Variants in ITGA2B observed in about 807,000 individuals in gnomAD.
ITGA2B encodes integrin subunit alpha 2b, also known as integrin alpha-IIb.
ITGA2B carries 91 observed loss-of-function variants against 142.0 expected under a neutral mutation model. The observed-to-expected ratio is 0.64, with a 90% CI of 0.54 to 0.76. ITGA2B has a LOEUF of 0.76. Among genes scored for constraint, ITGA2B ranks in the 30% least tolerant of loss-of-function variants. The pLI, the probability that ITGA2B is intolerant of heterozygous loss-of-function variation, is 0.00. For synonymous variants in ITGA2B, 536 were observed against 567.2 expected (o/e 0.94, Z 0.78); for missense variants, 1,231 against 1,350.8 (o/e 0.91, Z 1.39).
At chr17:44,384,006 G>T in intron 10 of ITGA2B, 60 bp from the exon 11 acceptor site, 1 of 1,613,520 alleles carries the variant, frequency 6.2e-7, no homozygotes, top group Non-Finnish European at 8.5e-7. Flanking sequence ...TTAAGAAATG[G>T]GCCCTCACCT....
At chr17:44,379,296 G>T (rs1371263948) in intron 18 of ITGA2B, among the ~76,000 whole-genome samples, 2 of 149,586 alleles carry the variant, frequency 1.3e-5, no homozygotes, top group African/African-American at 2.5e-5. Context: ...TGTCACCCAG[G>T]CTGGAGTGCT....
In ITGA2B at chr17:44,386,010, G is replaced by A; in HGVS notation, c.310C>T (p.Arg104Cys). 1 of 1,613,916 alleles carries A rather than the reference G, an allele frequency of 6.2e-7. No homozygotes were observed. Among genetic ancestry groups the A allele is most frequent in the Admixed American group, 1.7e-5 (1 of 60,028 alleles). ...CTTGCTCTCCTTGCCTGGGACTCACGGAGGTCAAAGAGCAGCGAGGGGCAC... is the reference window on the plus strand; with the variant it reads ...CTTGCTCTCCTTGCCTGGGACTCACAGAGGTCAAAGAGCAGCGAGGGGCAC... ...GQCPSLLFDL[R>C]DETRNVGSQT... Residue 104 changes from arginine (R) to cysteine (C), a missense_variant and splice_region_variant, in exon 2 of 30, where the codon CGT (arginine) becomes TGT (cysteine). By Grantham distance (180) the Arg-to-Cys change is radical. This residue lies in a region of ITGA2B where 318 missense variants were observed against 312.2 expected (regional missense o/e 1.02). Transcript: ENST00000262407.
At chr17:44,373,975 G>GGTGGTT in intron 29 of ITGA2B, 1 of 237,780 alleles carries the variant, frequency 4.2e-6, no homozygotes. Flanking sequence ...GTGTGATCTC[G>GGTGGTT]GCTCACTGCA....
In ITGA2B at chr17:44,386,122, G is replaced by T. The variant is rs1345944608; in HGVS notation, c.198C>A (p.Ile66=). 3 of 1,599,290 alleles carry T rather than the reference G, an allele frequency of 1.9e-6. No individual in the cohort carries two copies. Among genetic ancestry groups the T allele is most frequent in the South Asian group, 1.1e-5 (1 of 89,678 alleles). The change falls in exon 2 of 30, where the codon ATC becomes ATA. Residue 66 remains isoleucine (I), a synonymous_variant. Transcript: ENST00000262407. ...CCAGGGTCCGCGGGGCGCCCACCAC[G>T]ATGGCCACTCTGCATAGGAAAGCTG... ...FHKDSHGRVA[I]VVGAPRTLGP...
chr17:44,387,393 T>G (rs2048658609), intron 1 of ITGA2B, among the ~76,000 whole-genome samples: 1 of 151,544 alleles, frequency 6.6e-6, no homozygotes, highest in South Asian at 2.1e-4. Flanking sequence ...CATGGTGGCA[T>G]GCACCTGTAA....
chr17:44,375,170 AC>A, intron 26 of ITGA2B, 59 bp from the exon 27 acceptor site: 1 of 1,392,236 alleles, frequency 7.2e-7, no homozygotes. Context: ...ATCATCCCCC[AC>A]CCCCTTACCC....
chr17:44,380,714 G>C, intron 13 of ITGA2B, 69 bp from the exon 14 acceptor site: 1 of 1,608,076 alleles, frequency 6.2e-7, no homozygotes, highest in Non-Finnish European at 8.5e-7. Context: ...TCTTCCCAGG[G>C]GTTCCCCACA....
chr17:44,376,085 C>T lies in ITGA2B; in HGVS notation c.2448G>A (p.Glu816=), dbSNP rs747524385. ...CCAGGGACGCGAGGCTCCCCAATACCTCATAGGTGTGCTCCACTTTGGGTC... is the reference window on the plus strand; with the variant it reads ...CCAGGGACGCGAGGCTCCCCAATACTTCATAGGTGTGCTCCACTTTGGGTC... ...SWGPKVEHTY[E]LHNNGPGTVN... is the part of the protein sequence containing the mutation. The change falls in exon 24 of 30, where the codon GAG becomes GAA. Residue 816 remains glutamate, a splice_region_variant and synonymous_variant. Coordinates refer to ENST00000262407, the MANE Select transcript of ITGA2B (RefSeq NM_000419.5). 1.3e-5 allele frequency: 21 copies of T among 1,614,020 alleles called. No homozygotes were observed. The South Asian group carries it at 2.1e-4, about 16-fold the overall frequency.
At position 44,385,858 on chromosome 17, in the gene ITGA2B, C is replaced by T; in HGVS notation, c.374G>A (p.Gly125Glu). The stretch of plus-strand genomic sequence containing the variant: ...GTCGCTCCAGCTGACGACCGACGCC[C>T]CCAGTCCTTGGCGGGCCTTGAAGGT... Reference protein sequence around the residue: ...LQTFKARQGLGASVVSWSDVI... With the variant: ...LQTFKARQGLEASVVSWSDVI... Residue 125 changes from glycine (G) to glutamate (E), a missense_variant, in exon 3 of 30, where the codon GGG becomes GAG. Physicochemically the swap from Gly to Glu is moderately conservative, Grantham distance 98 (BLOSUM62 -2). Coordinates refer to ENST00000262407, the MANE Select transcript of ITGA2B (RefSeq NM_000419.5). 1 of 1,606,018 alleles carries T rather than the reference C, an allele frequency of 6.2e-7. No homozygotes were observed. Among genetic ancestry groups the T allele is most frequent in the Admixed American group, 1.7e-5 (1 of 58,666 alleles).
rs1320678629 is a variant in ITGA2B at position 44,374,398 on chromosome 17, C to T, written c.3016G>A (p.Gly1006Ser). 3.7e-6 allele frequency: 6 copies of T among 1,614,120 alleles called. No homozygotes were observed. Among genetic ancestry groups the T allele is most frequent in the Non-Finnish European group, 5.1e-6 (6 of 1,180,024 alleles). The change falls in exon 29 of 30, where the codon GGT (glycine) becomes AGT (serine). Residue 1006 changes from glycine (G) to serine (S), a missense_variant. By Grantham distance (56) the Gly-to-Ser change is moderately conservative (BLOSUM62 0). This residue lies in a region of ITGA2B where 908 missense variants were observed against 1,021.1 expected (regional missense o/e 0.89). Transcript: ENST00000262407. The stretch of plus-strand genomic sequence containing the variant: ...AGGATGGTGAGCAGCAGCAGGCCAC[C>T]CAGCACACCCACCAGCACCCACCAG... ...PIWWVLVGVL[G>S]GLLLLTILVL...
chr17:44,374,702 G>C lies in ITGA2B; in HGVS notation c.2900C>G (p.Pro967Arg). ...SHAWFNVSSL[P>R]YAVPPLSLPR... ...CAGGCTGAGCGGGGGCACCGCATAGGGGAGGGAGGACACGTTGAACCATGC... is the reference window on the plus strand; with the variant it reads ...CAGGCTGAGCGGGGGCACCGCATAGCGGAGGGAGGACACGTTGAACCATGC... The change falls in exon 28 of 30, where the codon CCC (proline) becomes CGC (arginine). Residue 967 changes from proline to arginine, a missense_variant. Around this residue, in one of 3 missense-constraint regions of ITGA2B, gnomAD observed 908 missense variants for 1,021.1 expected, o/e 0.89. Coordinates refer to ENST00000262407, the MANE Select transcript of ITGA2B (RefSeq NM_000419.5). 3 of 1,614,076 alleles carry C rather than the reference G, an allele frequency of 1.9e-6. No homozygotes were observed. Among genetic ancestry groups the C allele is most frequent in the Non-Finnish European group, 2.5e-6 (3 of 1,179,992 alleles).
rs937796082 is a variant in ITGA2B at position 44,374,656 on chromosome 17, C to T, written c.2943+3G>A. 6.2e-7 allele frequency: 1 copy of T among 1,612,818 alleles called. No individual in the cohort carries two copies. Among genetic ancestry groups the T allele is most frequent in the African/African-American group, 1.3e-5 (1 of 75,020 alleles). ...GGTCTCTGCTCCATCCCCCCACACT[C>T]ACCTGAGCTTCCCCTCGGGGCAGGC... is the stretch of plus-strand genomic sequence containing the variant. On this transcript the variant is annotated splice_donor_region_variant and intron_variant, in intron 28 of 29. Transcript: ENST00000262407.
chr17:44,385,255 C>T (rs763178216), intron 5 of ITGA2B, 31 bp downstream of exon 5: 2 of 1,613,630 alleles, frequency 1.2e-6, no homozygotes, highest in Admixed American at 1.7e-5. Flanking sequence ...GTTTGGGAGC[C>T]GCCCCCACTG....
chr17:44,384,611 T>G, intron 7 of ITGA2B, 26 bp from the exon 8 acceptor site: 1 of 1,613,414 alleles, frequency 6.2e-7, no homozygotes, highest in South Asian at 1.1e-5. Flanking sequence ...CAAATTAGTC[T>G]TTTCCAGGGG....
At chr17:44,373,700 G>A (rs1209285035) in intron 29 of ITGA2B, among the ~76,000 whole-genome samples, 1 of 152,154 alleles carries the variant, frequency 6.6e-6, no homozygotes, top group Non-Finnish European at 1.5e-5. Context: ...TCTTGTCCTT[G>A]AGACCAGCCA....
At chr17:44,387,826 C>CAAAAAAAA (rs980395817) in intron 1 of ITGA2B, among the ~76,000 whole-genome samples, 25 of 24,558 alleles carry the variant, frequency 1.0e-3, no homozygotes, top group African/African-American at 2.3e-3. Context: ...AACCCCATCT[C>CAAAAAAAA]AAAAAAAAAA....
At chr17:44,379,902 C>T (rs908795757) in intron 17 of ITGA2B, 88 bp from the exon 18 acceptor site, 34 of 1,612,236 alleles carry the variant, frequency 2.1e-5, no homozygotes, top group Non-Finnish European at 2.5e-5. Context: ...TGACCACCCC[C>T]GGACTCACAG....
chr17:44,383,705 C>A lies in ITGA2B; in HGVS notation c.999-1G>T. On this transcript the variant is annotated splice_acceptor_variant, in intron 11 of 29. Coordinates refer to ENST00000262407, the MANE Select transcript of ITGA2B (RefSeq NM_000419.5). LOFTEE classifies it high-confidence loss of function. The stretch of plus-strand genomic sequence containing the variant: ...AGCGCCCACCAGCAGATCATGCCTC[C>A]TGTGGGCCAGATGAGTGGTTACATG... 1 of 1,572,312 alleles carries A rather than the reference C, an allele frequency of 6.4e-7. No homozygotes were observed. The highest frequency in any genetic ancestry group is 2.4e-5 in the East Asian group (1 of 42,498).
Position 44,385,310 on chromosome 17 carries a change from C to T in ITGA2B, c.600G>A (p.Ala200=), listed in dbSNP as rs753443802. ...CCTGAGTGACCACGGAGCTGAAGCC[C>T]GCTTCACAGTAACGCTTGTCCCAGC... The part of the protein sequence containing the change: ...DFSWDKRYCE[A]GFSSVVTQAG... The change falls in exon 5 of 30, where the codon GCG becomes GCA. Residue 200 remains alanine (A), a synonymous_variant. Coordinates refer to ENST00000262407, the MANE Select transcript of ITGA2B (RefSeq NM_000419.5). 1 of 1,612,536 alleles carries T rather than the reference C, an allele frequency of 6.2e-7. No homozygotes were observed. The highest frequency in any genetic ancestry group is 8.5e-7 in the Non-Finnish European group (1 of 1,179,950).
Sources: allele counts gnomAD v4.1 joint callset (sites outside exome capture counted in the v4.1 genomes callset), GRCh38; gene constraint gnomAD v4.1.1; regional missense constraint gnomAD v4.1.1; transcripts MANE v1.5; gene names NCBI Gene and HGNC (gene_info 2026-07-23, HGNC 2026-07-21).